DMBT1: variants seen among roughly 807,000 people sequenced by gnomAD.
DMBT1 encodes scavenger receptor cysteine-rich domain-containing protein DMBT1.
DMBT1 carries 198 observed loss-of-function variants against 252.9 expected under a neutral mutation model. The ratio of observed to expected loss-of-function variants is 0.78; its 90% CI spans 0.70 to 0.88. The LOEUF is 0.88. DMBT1 is among the 40% of genes least tolerant of loss of function. DMBT1 has a pLI of 0.00. For missense variants in DMBT1, 2,432 were observed against 2,404.7 expected (o/e 1.01, Z -0.24); for synonymous variants, 990 against 942.7 (o/e 1.05, Z -0.92).
At chr10:122,626,364 C>T (rs1384948218) in intron 46 of DMBT1, among the ~76,000 whole-genome samples, 3 of 152,124 alleles carry the variant, frequency 2.0e-5, no homozygotes, top group African/African-American at 7.2e-5. Flanking sequence ...TTTTAAGTCC[C>T]TGTATTGTAT....
chr10:122,618,537 C>T (rs948816406), intron 41 of DMBT1, among the ~76,000 whole-genome samples, 197 bp downstream of exon 41: 15 of 152,214 alleles, frequency 9.9e-5, no homozygotes, highest in African/African-American at 3.1e-4. Context: ...TAGGCCAGGG[C>T]TCCGAACTGA....
intron 26 of DMBT1, among the ~76,000 whole-genome samples, chr10:122,599,681 A>G (rs893447587): frequency 2.6e-5 from 4 of 152,180 alleles, no homozygotes; most frequent in Admixed American, 2.6e-4. Context: ...GGCAGCCCCC[A>G]TGAGGCCGGC....
intron 46 of DMBT1, among the ~76,000 whole-genome samples, chr10:122,626,409 A>G (rs867201192): frequency 6.6e-6 from 1 of 152,228 alleles, no homozygotes; most frequent in African/African-American, 2.4e-5. Context: ...TTATTTGACA[A>G]ATCATCAGAT....
Position 122,621,093 on chromosome 10 carries a change from G to C in DMBT1, c.5321G>C (p.Gly1774Ala). ...ESSLALRLVNGGDRCRGRVEV... is the reference protein window; with the variant it reads ...ESSLALRLVNAGDRCRGRVEV... ...AGTTTGGCTCTGAGGCTGGTGAATG[G>C]AGGTGACAGGTGTCGAGGCCGAGTG... The change falls in exon 44 of 56, where the codon GGA (glycine) becomes GCA (alanine). Residue 1774 changes from glycine to alanine, a missense_variant. Physicochemically the swap from Gly to Ala is moderately conservative, Grantham distance 60 (BLOSUM62 0). This residue lies in a region of DMBT1 where 1,162 missense variants were observed against 1,169.0 expected (regional missense o/e 0.99). Transcript: ENST00000338354. 1 of 1,613,548 alleles carries C rather than the reference G, an allele frequency of 6.2e-7. No individual in the cohort carries two copies. Among genetic ancestry groups the C allele is most frequent in the Non-Finnish European group, 8.5e-7 (1 of 1,179,738 alleles).
Position 122,592,336 on chromosome 10 carries a change from G to A in DMBT1, c.2241G>A (p.Glu747=). The change falls in exon 20 of 56, where the codon GAG becomes GAA. Residue 747 remains glutamate (E), a synonymous_variant. Coordinates refer to ENST00000338354, the MANE Select transcript of DMBT1 (RefSeq NM_001377530.1). ...NGSDRCQGRV[E]VLYRGSWGTV... ...GTGACAGGTGTCAGGGCCGAGTAGA[G>A]GTCCTATACCGAGGCTCCTGGGGCA... The A allele has an allele frequency of 1.3e-6, 2 of 1,588,052 alleles. No homozygotes were observed. Among genetic ancestry groups the A allele is most frequent in the Non-Finnish European group, 1.7e-6 (2 of 1,165,706 alleles).
rs750962412 is a variant in DMBT1, at chr10:122,579,582, T to G, written c.684T>G (p.Ser228=). The change falls in exon 10 of 56, where the codon TCT becomes TCG. Residue 228 remains serine (S), a synonymous_variant. Transcript: ENST00000338354. ...GGTTCTTGTGTTCCCCTGTAGGATC[T>G]GAATCCAGTTTGGCCCTGAGGCTGG... The part of the protein sequence containing the change: ...RISPPVPTEG[S]ESSLALRLVN... The G allele has an allele frequency of 1.2e-6, 2 of 1,613,098 alleles. No individual in the cohort carries two copies. Among genetic ancestry groups the G allele is most frequent in the African/African-American group, 1.3e-5 (1 of 74,922 alleles).
chr10:122,639,980 A>G, intron 54 of DMBT1, 60 bp from the exon 55 acceptor site: 17 of 1,560,646 alleles, frequency 1.1e-5, no homozygotes, highest in Non-Finnish European at 1.3e-5. Flanking sequence ...CAAATCAGCT[A>G]TGGGATTCCC....
At chr10:122,634,340 T>TTTTCTTTCTTTCTTTCTTTCTC (rs2098192231) in intron 52 of DMBT1, among the ~76,000 whole-genome samples, 4 of 99,902 alleles carry the variant, frequency 4.0e-5, no homozygotes. Flanking sequence ...CTAAAAGCAC[T>TTTTCTTTCTTTCTTTCTTTCTC]TTTCTTTCTT....
At position 122,579,805 on chromosome 10, in the gene DMBT1, T is replaced by C; in HGVS notation, c.907T>C (p.Cys303Arg). Residue 303 changes from cysteine to arginine, a missense_variant, in exon 10 of 56, where the codon TGC becomes CGC. Around this residue, in one of 3 missense-constraint regions of DMBT1, gnomAD observed 1,264 missense variants for 1,082.2 expected, o/e 1.17. Coordinates refer to ENST00000338354, the MANE Select transcript of DMBT1 (RefSeq NM_001377530.1). ...SGPIVLDDVR[C>R]SGHESYLWSC... ...ACCCATTGTCCTGGATGATGTGCGC[T>C]GCTCAGGACATGAGTCCTACCTGTG... 1 of 1,607,228 alleles carries C rather than the reference T, an allele frequency of 6.2e-7. No homozygotes were observed. Among genetic ancestry groups the C allele is most frequent in the Non-Finnish European group, 8.5e-7 (1 of 1,173,692 alleles).
Position 122,592,340 on chromosome 10 carries a change from C to T in DMBT1, c.2245C>T (p.Leu749=), listed in dbSNP as rs1282246822. The part of the protein sequence containing the change: ...SDRCQGRVEV[L]YRGSWGTVCD... ...CAGGTGTCAGGGCCGAGTAGAGGTCCTATACCGAGGCTCCTGGGGCACCGT... is the reference window on the plus strand; with the variant it reads ...CAGGTGTCAGGGCCGAGTAGAGGTCTTATACCGAGGCTCCTGGGGCACCGT... Residue 749 remains leucine (L), a synonymous_variant, in exon 20 of 56, where the codon CTA becomes TTA. Coordinates refer to ENST00000338354, the MANE Select transcript of DMBT1 (RefSeq NM_001377530.1). 2 of 1,588,110 alleles carry T rather than the reference C, an allele frequency of 1.3e-6. No individual in the cohort carries two copies. The highest frequency in any genetic ancestry group is 1.7e-6 in the Non-Finnish European group (2 of 1,165,722).
At position 122,579,627 on chromosome 10, in the gene DMBT1, T is replaced by C; in HGVS notation, c.729T>C (p.Cys243=). The change falls in exon 10 of 56, where the codon TGT becomes TGC. Residue 243 remains cysteine (C), a synonymous_variant. Transcript: ENST00000338354. ...GGCTGGTGAATGGAGGCGACAGGTG[T>C]CGAGGCCGAGTGGAGGTCCTATACC... ...ALRLVNGGDR[C]RGRVEVLYRG... 1 of 1,613,596 alleles carries C rather than the reference T, an allele frequency of 6.2e-7. No homozygotes were observed. The highest frequency in any genetic ancestry group is 2.2e-5 in the East Asian group (1 of 44,878).
At chr10:122,562,454 C>T (rs4752708) in intron 1 of DMBT1, among the ~76,000 whole-genome samples, 99,949 of 151,950 alleles carry the variant, frequency 0.66, 33,462 homozygotes, top group East Asian at 0.77. Flanking sequence ...TGGGGGCCAC[C>T]AGGCCCAGGA....
intron 44 of DMBT1, among the ~76,000 whole-genome samples, chr10:122,621,591 C>G (rs911461497): frequency 6.6e-6 from 1 of 152,180 alleles, no homozygotes; most frequent in African/African-American, 2.4e-5. Flanking sequence ...AAACAACAAC[C>G]CAGACTTTAT....
chr10:122,639,903 T>C, intron 54 of DMBT1, 137 bp from the exon 55 acceptor site: 1 of 1,036,606 alleles, frequency 9.6e-7, no homozygotes, highest in Non-Finnish European at 1.4e-6. Flanking sequence ...GCACGTGCCA[T>C]GGCCATCTCT....
At chr10:122,588,573 G>A (rs978065188) in intron 16 of DMBT1, among the ~76,000 whole-genome samples, 1 of 148,864 alleles carries the variant, frequency 6.7e-6, no homozygotes, top group African/African-American at 2.4e-5. Flanking sequence ...TTGGCAATTT[G>A]CCAGAAGCCA....
At chr10:122,585,092 G>A (rs2097777965) in intron 14 of DMBT1, among the ~76,000 whole-genome samples, 179 bp from the exon 15 acceptor site, 1 of 148,760 alleles carries the variant, frequency 6.7e-6, no homozygotes, top group African/African-American at 2.4e-5. Context: ...TCTCCAGCAA[G>A]GCTTATGTCC....
At chr10:122,586,691 G>A (rs1422811565) in intron 16 of DMBT1, among the ~76,000 whole-genome samples, 2 of 148,332 alleles carry the variant, frequency 1.3e-5, no homozygotes, top group Admixed American at 1.3e-4. Context: ...AGGAATAGCT[G>A]GGGCCAGGTT....
intron 17 of DMBT1, among the ~76,000 whole-genome samples, chr10:122,590,207 T>C (rs867965754): frequency 1.3e-5 from 2 of 148,850 alleles, no homozygotes; most frequent in South Asian, 2.2e-4. Flanking sequence ...GTGTGAGTGC[T>C]TGACTGCAAT....
intron 16 of DMBT1, among the ~76,000 whole-genome samples, chr10:122,586,710 A>G (rs1379084661): frequency 1.3e-4 from 19 of 148,522 alleles, no homozygotes; most frequent in African/African-American, 4.4e-4. Context: ...TTGTTCATGA[A>G]GATAGAGGTT....
Sources: allele counts gnomAD v4.1 joint callset (sites outside exome capture counted in the v4.1 genomes callset), GRCh38; gene constraint gnomAD v4.1.1; regional missense constraint gnomAD v4.1.1; transcripts MANE v1.5; gene names NCBI Gene and HGNC (gene_info 2026-07-23, HGNC 2026-07-21).